The following RGS22 variants were observed in gnomAD, a reference collection of about 807,000 sequenced individuals.
The protein encoded by RGS22 is regulator of G-protein signaling 22.
In RGS22, 148 loss-of-function variants were observed where a neutral mutation model predicts 172.9. That is an observed-to-expected ratio of 0.86 (90% CI 0.75 to 0.98). The LOEUF (loss-of-function observed/expected upper bound fraction) is 0.98. Among genes scored for constraint, RGS22 ranks in the 50% least tolerant of loss-of-function variants. The pLI is 0.00. For missense variants in RGS22, 1,347 were observed against 1,440.8 expected (o/e 0.93, Z 1.05); for synonymous variants, 458 against 480.2 (o/e 0.95, Z 0.60).
chr8:100,098,437 A>C (rs1249624624), intron 2 of RGS22, among the ~76,000 whole-genome samples: 6 of 152,246 alleles, frequency 3.9e-5, no homozygotes. Context: ...CATCTTGTTG[A>C]AAGTATAGCT....
intron 19 of RGS22, among the ~76,000 whole-genome samples, chr8:99,997,441 A>C (rs939119602): frequency 2.0e-4 from 30 of 152,176 alleles, no homozygotes; most frequent in African/African-American, 7.2e-4. Flanking sequence ...GAGTTTTCCC[A>C]AAGCTTATTT....
chr8:100,020,989 A>G (rs907511615), intron 14 of RGS22, among the ~76,000 whole-genome samples: 1 of 152,196 alleles, frequency 6.6e-6, no homozygotes, highest in Non-Finnish European at 1.5e-5. Context: ...ATACCCAGAG[A>G]TCAGCAAATG....
chr8:100,098,553 G>A (rs1813162487), intron 2 of RGS22, among the ~76,000 whole-genome samples: 1 of 152,144 alleles, frequency 6.6e-6, no homozygotes, highest in South Asian at 2.1e-4. Flanking sequence ...CTATGAAGGA[G>A]GAAGATATTA....
chr8:100,069,047 A>G (rs551695660), intron 6 of RGS22, among the ~76,000 whole-genome samples: 2 of 152,340 alleles, frequency 1.3e-5, no homozygotes, highest in African/African-American at 4.8e-5. Context: ...TGGAACTGGC[A>G]TAACTGTGAA....
chr8:99,962,534 A>C, intron 26 of RGS22, 91 bp from the exon 27 acceptor site: 3 of 1,468,540 alleles, frequency 2.0e-6, no homozygotes, highest in Non-Finnish European at 2.8e-6. Context: ...GGACTCACAC[A>C]CACGGAGAAA....
rs138172796 is a variant in RGS22, at chr8:100,016,037, C to T, written c.2167-7468G>A. ...GTTTAGATGATAAATTATATGGTTCCTCTATATTTAATTGTCATCAGTTAG... is the reference window on the plus strand; with the variant it reads ...GTTTAGATGATAAATTATATGGTTCTTCTATATTTAATTGTCATCAGTTAG... On this transcript the variant is annotated intron_variant, in intron 14 of 27. Coordinates refer to ENST00000360863, the MANE Select transcript of RGS22 (RefSeq NM_015668.5). Among the ~76,000 whole-genome samples, 932 of 152,260 alleles carry T rather than the reference C, an allele frequency of 6.1e-3. 11 individuals are homozygous for T. Among genetic ancestry groups the T allele is most frequent in the African/African-American group, 0.021 (882 of 41,536 alleles).
intron 9 of RGS22, 43 bp downstream of exon 9, chr8:100,062,548 C>T (rs758957635): frequency 3.3e-5 from 44 of 1,327,488 alleles, no homozygotes; most frequent in Middle Eastern, 1.9e-4. Flanking sequence ...TCATAACTGG[C>T]GTAAGGAAAG....
chr8:100,054,898 TG>T (rs1046138372), intron 9 of RGS22, among the ~76,000 whole-genome samples: 1 of 152,118 alleles, frequency 6.6e-6, no homozygotes, highest in Non-Finnish European at 1.5e-5. Context: ...TGATGGTGGT[TG>T]TGGGGTAAGG....
chr8:100,071,841 G>A (rs1037700944), intron 5 of RGS22, among the ~76,000 whole-genome samples: 5 of 152,098 alleles, frequency 3.3e-5, no homozygotes, highest in South Asian at 4.1e-4. Flanking sequence ...TATGTTTTTC[G>A]CGTCACACTA....
intron 10 of RGS22, 63 bp from the exon 11 acceptor site, chr8:100,047,659 T>C (rs1266762538): frequency 4.9e-6 from 7 of 1,426,578 alleles, no homozygotes; most frequent in Admixed American, 4.9e-5. Context: ...TCTGCACCTA[T>C]ACCTCAAATT....
Position 99,962,390 on chromosome 8 carries a change from G to C in RGS22, c.*45+4C>G, listed in dbSNP as rs757352832. The C allele has an allele frequency of 6.2e-7, 1 of 1,601,554 alleles. No individual in the cohort carries two copies. Among genetic ancestry groups the C allele is most frequent in the South Asian group, 1.1e-5 (1 of 90,670 alleles). ...GACCAACCAACATTCAGACTATGAC[G>C]TACCTTGAACCTATCAGCAGCAGGA... On this transcript the variant is annotated splice_donor_region_variant and intron_variant, in intron 27 of 27. Transcript: ENST00000360863.
chr8:99,985,980 A>G (rs1220511185), intron 21 of RGS22, among the ~76,000 whole-genome samples: 5 of 152,146 alleles, frequency 3.3e-5, no homozygotes, highest in African/African-American at 1.2e-4. Context: ...AATTATTTTA[A>G]TATTGCTCAT....
chr8:100,097,215 T>C (rs1813045466), intron 2 of RGS22, among the ~76,000 whole-genome samples: 1 of 152,200 alleles, frequency 6.6e-6, no homozygotes, highest in African/African-American at 2.4e-5. Flanking sequence ...TATGAAAATG[T>C]TCTATGTATG....
chr8:100,094,417 T>G (rs746541221), intron 2 of RGS22, among the ~76,000 whole-genome samples: 3 of 152,194 alleles, frequency 2.0e-5, no homozygotes, highest in Non-Finnish European at 4.4e-5. Context: ...TTGAAGTATA[T>G]AGTGCTATCA....
chr8:100,049,892 C>CA (rs1218061938), intron 10 of RGS22, among the ~76,000 whole-genome samples: 4 of 151,662 alleles, frequency 2.6e-5, no homozygotes, highest in East Asian at 3.9e-4. Context: ...ACTAAAAATA[C>CA]AAAAAAATTA....
intron 23 of RGS22, among the ~76,000 whole-genome samples, chr8:99,972,959 G>A (rs1218178037): frequency 2.0e-5 from 3 of 150,036 alleles, no homozygotes; most frequent in East Asian, 1.9e-4. Context: ...GTGTGAACTC[G>A]GGAGGCAGAG....
intron 15 of RGS22, among the ~76,000 whole-genome samples, chr8:100,007,752 G>T (rs1032453808): frequency 1.7e-4 from 25 of 148,806 alleles, no homozygotes; most frequent in African/African-American, 5.9e-4. Context: ...AAAGTCTTTC[G>T]TTAGACAACA....
intron 11 of RGS22, among the ~76,000 whole-genome samples, chr8:100,044,771 C>G (rs1206536608): frequency 2.0e-5 from 3 of 152,084 alleles, no homozygotes; most frequent in Non-Finnish European, 4.4e-5. Flanking sequence ...ATGCCCACAG[C>G]TTCAACTACC....
In RGS22 at chr8:100,003,925, C is replaced by T; in HGVS notation, c.2627+1G>A. On this transcript the variant is annotated splice_donor_variant, in intron 17 of 27. Coordinates refer to ENST00000360863, the MANE Select transcript of RGS22 (RefSeq NM_015668.5). LOFTEE classifies it high-confidence loss of function. The stretch of plus-strand genomic sequence containing the variant: ...GAGAAATATATGGTTATGTCCCTCA[C>T]CTTGAAGAATGAGTCTCAAGAAACT... 1.9e-6 allele frequency: 3 copies of T among 1,601,592 alleles called. No homozygotes were observed. Among genetic ancestry groups the T allele is most frequent in the Non-Finnish European group, 1.7e-6 (2 of 1,173,340 alleles).
Sources: allele counts gnomAD v4.1 joint callset (sites outside exome capture counted in the v4.1 genomes callset), GRCh38; gene constraint gnomAD v4.1.1; transcripts MANE v1.5; gene names NCBI Gene and HGNC (gene_info 2026-07-23, HGNC 2026-07-21).